Variants in CTPS2 observed in about 807,000 individuals in gnomAD.
CTPS2 encodes CTP synthase 2.
A neutral mutation model predicts 46.8 loss-of-function variants in CTPS2; 19 were observed. The observed-to-expected ratio is 0.41, with a 90% CI of 0.28 to 0.60. The LOEUF is 0.60. Ranked by LOEUF, CTPS2 falls within the 20% of genes least tolerant of loss-of-function variation. CTPS2 has a pLI of 0.35. For synonymous variants in CTPS2, 151 were observed against 165.2 expected, an observed-to-expected ratio of 0.91 and a Z score of 0.66; for missense variants, 286 against 447.6, an observed-to-expected ratio of 0.64 and a Z score of 3.26.
chrX:16,701,497 T>C (rs1187012864), intron 2 of CTPS2, among the ~76,000 whole-genome samples: 1 of 110,652 alleles, frequency 9.0e-6, no homozygotes, highest in Non-Finnish European at 1.9e-5. Flanking sequence ...AGGTGGAGGT[T>C]GCATTGAGCC....
intron 13 of CTPS2, among the ~76,000 whole-genome samples, chrX:16,666,917 T>C (rs1408198235): frequency 2.7e-5 from 3 of 111,399 alleles, no homozygotes; most frequent in Non-Finnish European, 1.9e-5. Flanking sequence ...CTCATTTATT[T>C]ATAGTAGATG....
chrX:16,603,506 G>A (rs774098794), intron 17 of CTPS2, among the ~76,000 whole-genome samples: 3 of 110,539 alleles, frequency 2.7e-5, no homozygotes, highest in East Asian at 2.8e-4. Context: ...TCTCCAGACC[G>A]TCACTGTATC....
In CTPS2 at chrX:16,678,449, T is replaced by C; in HGVS notation, c.1007A>G (p.Tyr336Cys). 1.7e-6 allele frequency: 2 copies of C among 1,163,072 alleles called. No individual in the cohort carries two copies. The highest frequency in any genetic ancestry group is 1.9e-5 in the South Asian group (1 of 54,045). ...LAINHKLNLM[Y>C]IDSIDLEKIT... ...CTTCTCCAGATCAATGGAGTCTATG[T>C]ACTAAAAAACATCCAACAGATAAAA... Residue 336 changes from tyrosine (Y) to cysteine (C), a missense_variant and splice_region_variant, in exon 10 of 19, where the codon TAC becomes TGC. Coordinates refer to ENST00000359276, the MANE Select transcript of CTPS2 (RefSeq NM_175859.3).
chrX:16,681,706 C>T (rs952131273), intron 9 of CTPS2, among the ~76,000 whole-genome samples: 2 of 110,466 alleles, frequency 1.8e-5, no homozygotes, highest in Non-Finnish European at 3.8e-5. Context: ...CCACCACACC[C>T]GGCTAACTTT....
rs1384576798 is a variant in CTPS2 at position 16,712,413 on chromosome X, C to T, written c.-118G>A. ...ACCCCGCGGCTGGCCTGGCGCTCAC[C>T]TGTCGGGCTGGGGAAGGGGTCGCTG... On this transcript the variant is annotated 5_prime_UTR_variant, in exon 1 of 19. Coordinates refer to ENST00000359276, the MANE Select transcript of CTPS2 (RefSeq NM_175859.3). 8.9e-6 allele frequency: 1 copy of T among 112,443 alleles called. No individual in the cohort carries two copies. The highest frequency in any genetic ancestry group is 2.8e-4 in the East Asian group (1 of 3,523). The allele number at this position is 112,443 out of a possible 1,213,427, so 9.3% of individuals were successfully genotyped here.
chrX:16,639,311 A>T, intron 13 of CTPS2, 68 bp from the exon 14 acceptor site: 1 of 791,968 alleles, frequency 1.3e-6, no homozygotes, highest in Non-Finnish European at 1.9e-6. Context: ...TTCAAGCTTT[A>T]CGTTTAAAGG....
chrX:16,636,911 C>T (rs1174787732), intron 14 of CTPS2, among the ~76,000 whole-genome samples: 5 of 108,729 alleles, frequency 4.6e-5, no homozygotes, highest in African/African-American at 1.7e-4. Flanking sequence ...AGCCAGACTC[C>T]GTCTCAAAAA....
chrX:16,693,894 C>T lies in CTPS2; in HGVS notation c.439-407G>A, dbSNP rs1029595444. Among the ~76,000 whole-genome samples, 3 of 112,081 alleles carry T rather than the reference C, an allele frequency of 2.7e-5. No individual in the cohort carries two copies. In the South Asian group the frequency reaches 1.1e-3, roughly 41 times the overall value. ...TTAAAACTAACAATAAGGCCAGGCGCAGTGGCTCATGCTTGTAATCCCAGC... is the reference window on the plus strand; with the variant it reads ...TTAAAACTAACAATAAGGCCAGGCGTAGTGGCTCATGCTTGTAATCCCAGC... On this transcript the variant is annotated intron_variant, in intron 4 of 18. Coordinates refer to ENST00000359276, the MANE Select transcript of CTPS2 (RefSeq NM_175859.3).
intron 9 of CTPS2, among the ~76,000 whole-genome samples, chrX:16,681,389 AGAT>A (rs1922731544): frequency 9.0e-6 from 1 of 111,494 alleles, no homozygotes; most frequent in Non-Finnish European, 1.9e-5. Flanking sequence ...ATTTAAGTCA[AGAT>A]GATAAGACTT....
chrX:16,685,704 CA>C (rs1158645999), intron 8 of CTPS2, among the ~76,000 whole-genome samples: 163 of 94,051 alleles, frequency 1.7e-3, no homozygotes, highest in African/African-American at 2.3e-3. Flanking sequence ...TAAAAAAATA[CA>C]AAAAAAAAAA....
At chrX:16,700,211 G>C (rs1190715239) in intron 2 of CTPS2, among the ~76,000 whole-genome samples, 1 of 106,885 alleles carries the variant, frequency 9.4e-6, no homozygotes, top group Non-Finnish European at 1.9e-5. Flanking sequence ...CTGACTCCCT[G>C]GTTCAAGCAA....
intron 14 of CTPS2, among the ~76,000 whole-genome samples, chrX:16,623,976 T>G (rs1019418697): frequency 9.3e-6 from 1 of 107,487 alleles, no homozygotes; most frequent in Non-Finnish European, 1.9e-5. Flanking sequence ...CCTGGCTAAT[T>G]TTTTGTATTT....
At chrX:16,626,179 C>T (rs1931135896) in intron 14 of CTPS2, among the ~76,000 whole-genome samples, 2 of 111,002 alleles carry the variant, frequency 1.8e-5, no homozygotes, top group Admixed American at 9.6e-5. Flanking sequence ...GTCAGGAGAT[C>T]GAGACCAGGC....
At chrX:16,694,455 T>A (rs1399187871) in intron 4 of CTPS2, among the ~76,000 whole-genome samples, 1 of 111,699 alleles carries the variant, frequency 9.0e-6, no homozygotes, top group Non-Finnish European at 1.9e-5. Context: ...GCAGCCTATA[T>A]CCCACTAGCC....
intron 13 of CTPS2, among the ~76,000 whole-genome samples, chrX:16,643,848 A>G (rs757777049): frequency 9.1e-6 from 1 of 110,146 alleles, no homozygotes; most frequent in Non-Finnish European, 1.9e-5. Flanking sequence ...CCTACCCACC[A>G]CCATACTACA....
chrX:16,674,518 AG>A (rs1267090783), intron 10 of CTPS2, among the ~76,000 whole-genome samples: 1 of 111,262 alleles, frequency 9.0e-6, no homozygotes, highest in Non-Finnish European at 1.9e-5. Context: ...AAGTTGTAGA[AG>A]GTTTGTGAAG....
At chrX:16,669,324 T>C (rs766224202) in intron 11 of CTPS2, among the ~76,000 whole-genome samples, 1 of 107,107 alleles carries the variant, frequency 9.3e-6, no homozygotes, top group Admixed American at 1.0e-4. Context: ...CTCCGATAGA[T>C]ACTTAAGATG....
intron 4 of CTPS2, among the ~76,000 whole-genome samples, chrX:16,695,697 G>A (rs1229717323): frequency 9.3e-6 from 1 of 107,582 alleles, no homozygotes; most frequent in Middle Eastern, 4.5e-3. Context: ...GACTATAGGC[G>A]CCCACCACCA....
intron 13 of CTPS2, among the ~76,000 whole-genome samples, chrX:16,657,381 G>A (rs1042214371): frequency 4.6e-5 from 5 of 109,663 alleles, no homozygotes; most frequent in African/African-American, 1.7e-4. Context: ...GGGTGTTTGA[G>A]CTCAGAGAGA....
Sources: gnomAD v4.1 joint callset for allele counts (sites outside exome capture counted in the v4.1 genomes callset) on GRCh38, gnomAD v4.1.1 for gene constraint, MANE v1.5 for transcripts, NCBI Gene and HGNC (gene_info 2026-07-23, HGNC 2026-07-21) for gene names.